Variants in PPARGC1A observed in about 807,000 individuals in gnomAD.
PPARGC1A encodes peroxisome proliferator-activated receptor gamma coactivator 1-alpha.
In PPARGC1A, 25 loss-of-function variants were observed where a neutral mutation model predicts 88.7. The ratio of observed to expected loss-of-function variants is 0.28; its 90% CI spans 0.21 to 0.39. The LOEUF is 0.39. PPARGC1A is among the 10% of genes least tolerant of loss of function. PPARGC1A has a pLI of 1.00. For synonymous variants in PPARGC1A, 363 were observed against 355.6 expected, an observed-to-expected ratio of 1.02 and a Z score of -0.24; for missense variants, 880 against 968.7, an observed-to-expected ratio of 0.91 and a Z score of 1.22.
At chr4:23,815,961 CAT>C (rs758403038) in intron 7 of PPARGC1A, among the ~76,000 whole-genome samples, 2 of 152,128 alleles carry the variant, frequency 1.3e-5, no homozygotes, top group Non-Finnish European at 2.9e-5. Flanking sequence ...CAGAAAGCCA[CAT>C]GAGATTTTGA....
chr4:24,084,100 C>G, the PPARGC1A span, among the ~76,000 whole-genome samples: 2 of 152,198 alleles, frequency 1.3e-5, no homozygotes, highest in Non-Finnish European at 2.9e-5. Context: ...ACGCTCTTAT[C>G]TGTTCCTTTA....
the PPARGC1A span, among the ~76,000 whole-genome samples, chr4:24,094,042 G>C: frequency 6.6e-6 from 1 of 152,142 alleles, no homozygotes; most frequent in Non-Finnish European, 1.5e-5. Flanking sequence ...TTAATTCCCA[G>C]GGTGGGGGAG....
At chr4:24,078,973 T>G in the PPARGC1A span, among the ~76,000 whole-genome samples, 1 of 152,084 alleles carries the variant, frequency 6.6e-6, no homozygotes, top group Non-Finnish European at 1.5e-5. Flanking sequence ...ATAAAACACT[T>G]TATTTCAGTA....
chr4:24,147,956 C>CA, the PPARGC1A span, among the ~76,000 whole-genome samples: 759 of 151,078 alleles, frequency 5.0e-3, 24 homozygotes, highest in East Asian at 0.09. Flanking sequence ...AACAAACAAA[C>CA]AAACAAAAAA....
the PPARGC1A span, chr4:24,258,118 A>G: frequency 1.5e-6 from 1 of 648,068 alleles, no homozygotes; most frequent in African/African-American, 2.0e-5. Context: ...GGTGTTACAG[A>G]TTTCCTGATA....
At chr4:23,957,665 T>C in the PPARGC1A span, among the ~76,000 whole-genome samples, 1 of 152,140 alleles carries the variant, frequency 6.6e-6, no homozygotes, top group East Asian at 1.9e-4. Flanking sequence ...GCAAAGTCCC[T>C]CTTCTAATGC....
At chr4:23,801,980 T>G in intron 11 of PPARGC1A, 99 bp from the exon 12 acceptor site, 1 of 1,429,650 alleles carries the variant, frequency 7.0e-7, no homozygotes, top group Non-Finnish European at 9.6e-7. Context: ...TGCCAACGTC[T>G]GAGCCACTGA....
the PPARGC1A span, among the ~76,000 whole-genome samples, chr4:23,953,144 C>T: frequency 6.6e-6 from 1 of 151,946 alleles, no homozygotes; most frequent in African/African-American, 2.4e-5. Context: ...AAGGAAACAC[C>T]ATATTCTATC....
the PPARGC1A span, among the ~76,000 whole-genome samples, chr4:24,073,980 A>G: frequency 2.0e-5 from 3 of 152,144 alleles, no homozygotes; most frequent in Admixed American, 6.6e-5. Flanking sequence ...TGCAGGACCC[A>G]GAAACAGCGC....
At chr4:24,185,867 C>A in the PPARGC1A span, among the ~76,000 whole-genome samples, 6 of 140,592 alleles carry the variant, frequency 4.3e-5, no homozygotes, top group East Asian at 1.3e-3. Context: ...ATGTAACTAA[C>A]CTGCACAATG....
At chr4:23,850,997 T>A (rs890769125) in intron 2 of PPARGC1A, among the ~76,000 whole-genome samples, 5 of 152,204 alleles carry the variant, frequency 3.3e-5, no homozygotes, top group Admixed American at 3.3e-4. Flanking sequence ...TCACTGAATA[T>A]TCTAGAAAAA....
upstream of PPARGC1A, among the ~76,000 whole-genome samples, chr4:23,907,918 T>G (rs1381217056): frequency 6.6e-6 from 1 of 152,222 alleles, no homozygotes; most frequent in East Asian, 1.9e-4. Context: ...TCCCTCTCTG[T>G]GGGTGCCTTG....
At chr4:23,921,930 C>G in the PPARGC1A span, among the ~76,000 whole-genome samples, 156 of 152,302 alleles carry the variant, frequency 1.0e-3, 1 homozygote, top group African/African-American at 3.3e-3. Flanking sequence ...TCAAGCCTTG[C>G]TTATTACCCA....
intron 2 of PPARGC1A, among the ~76,000 whole-genome samples, chr4:23,851,270 T>TAC (rs144972485): frequency 0.022 from 3,370 of 152,196 alleles, 111 homozygotes; most frequent in African/African-American, 0.077. Context: ...ACTGGGAACA[T>TAC]ACACACACAC....
the PPARGC1A span, among the ~76,000 whole-genome samples, chr4:24,314,848 G>A: frequency 6.6e-6 from 1 of 152,026 alleles, no homozygotes; most frequent in Non-Finnish European, 1.5e-5. Context: ...CCAGAGTAGT[G>A]CCAGAAATAG....
At chr4:23,912,472 A>G in the PPARGC1A span, among the ~76,000 whole-genome samples, 1 of 152,206 alleles carries the variant, frequency 6.6e-6, no homozygotes, top group Non-Finnish European at 1.5e-5. Flanking sequence ...CAATTGTCTA[A>G]TAAAGCACTA....
chr4:23,988,112 G>A, the PPARGC1A span, among the ~76,000 whole-genome samples: 1 of 152,064 alleles, frequency 6.6e-6, no homozygotes, highest in African/African-American at 2.4e-5. Flanking sequence ...CAAAGGACAT[G>A]AACTCATCCT....
the PPARGC1A span, among the ~76,000 whole-genome samples, chr4:24,383,079 G>A: frequency 2.8e-4 from 42 of 152,314 alleles, no homozygotes; most frequent in Middle Eastern, 6.8e-3. Context: ...TGATACCCAC[G>A]CAAACAGGGT....
the PPARGC1A span, among the ~76,000 whole-genome samples, chr4:24,371,715 A>G: frequency 8.6e-5 from 13 of 151,074 alleles, no homozygotes; most frequent in South Asian, 2.1e-4. Context: ...CCGAGGCGGG[A>G]GGATCACCTG....
Sources: allele counts gnomAD v4.1 joint callset (sites outside exome capture counted in the v4.1 genomes callset), GRCh38; gene constraint gnomAD v4.1.1; transcripts MANE v1.5; gene names NCBI Gene and HGNC (gene_info 2026-07-23, HGNC 2026-07-21).